Variants in PLEKHA6 observed in about 807,000 individuals in gnomAD.
PLEKHA6 encodes the protein pleckstrin homology domain-containing family A member 6.
Under a neutral mutation model 116.7 loss-of-function variants are expected in PLEKHA6, and 60 were observed. The observed-to-expected ratio is 0.51, with a 90% confidence interval of 0.42 to 0.64. PLEKHA6 has a LOEUF of 0.64. PLEKHA6 is among the 30% of genes least tolerant of loss of function. The pLI, the probability that PLEKHA6 is intolerant of heterozygous loss-of-function variation, is 0.00. For missense variants in PLEKHA6, 1,338 were observed against 1,422.7 expected (o/e 0.94, Z 0.96); for synonymous variants, 489 against 556.1 (o/e 0.88, Z 1.70).
intron 1 of PLEKHA6, among the ~76,000 whole-genome samples, chr1:204,356,365 G>C (rs1037631029): frequency 6.6e-6 from 1 of 152,122 alleles, no homozygotes; most frequent in African/African-American, 2.4e-5. Context: ...TTGAGCACAG[G>C]AGTTCAAGAC....
chr1:204,275,932 C>T (rs1320251788), intron 1 of PLEKHA6: 1 of 152,744 alleles, frequency 6.5e-6, no homozygotes, highest in South Asian at 2.1e-4. Context: ...CAGGGCCACT[C>T]AAGCACACCC....
chr1:204,352,305 G>A (rs1673305036), intron 1 of PLEKHA6, among the ~76,000 whole-genome samples: 1 of 151,466 alleles, frequency 6.6e-6, no homozygotes, highest in Admixed American at 6.6e-5. Flanking sequence ...AACCTGGGAG[G>A]CAGAGGTTGC....
intron 15 of PLEKHA6, among the ~76,000 whole-genome samples, chr1:204,244,439 G>A (rs1663348785): frequency 6.6e-6 from 1 of 151,942 alleles, no homozygotes; most frequent in Admixed American, 6.6e-5. Context: ...CCTGCCACGT[G>A]TGTATCTTTC....
At chr1:204,303,962 GCCT>G (rs1671054259) in intron 1 of PLEKHA6, among the ~76,000 whole-genome samples, 1 of 152,060 alleles carries the variant, frequency 6.6e-6, no homozygotes, top group Non-Finnish European at 1.5e-5. Context: ...CGATCTGCCC[GCCT>G]CAGCCTCCCA....
rs145953712 is a variant in PLEKHA6 at position 204,241,808 on chromosome 1, C to T, written c.2179G>A (p.Ala727Thr). 8.4e-5 allele frequency: 135 copies of T among 1,614,074 alleles called. No individual in the cohort carries two copies. In the African/African-American group the frequency reaches 1.6e-3, roughly 20 times the overall value. Reference protein sequence around the residue: ...PTKPGSNEPKANYEQSKKDPH... With the variant: ...PTKPGSNEPKTNYEQSKKDPH... ...TCTTTCTTGCTTTGTTCATAGTTTG[C>T]CTTGGGCTGGGGAGAAAGGGTGAGA... The change falls in exon 16 of 23, where the codon GCA becomes ACA. Residue 727 changes from alanine (A) to threonine (T), a missense_variant. By Grantham distance (58) the Ala-to-Thr change is moderately conservative. This residue lies in a region of PLEKHA6 where 1,136 missense variants were observed against 1,163.6 expected (regional missense o/e 0.98). Transcript: ENST00000272203.
intron 3 of PLEKHA6, among the ~76,000 whole-genome samples, chr1:204,366,881 G>C (rs1437394202): frequency 1.3e-5 from 2 of 152,262 alleles, no homozygotes; most frequent in African/African-American, 2.4e-5. Context: ...AGTACAGATG[G>C]ATGAGGATTT....
intron 1 of PLEKHA6, among the ~76,000 whole-genome samples, chr1:204,357,116 G>A (rs1406891506): frequency 6.6e-6 from 1 of 152,200 alleles, no homozygotes; most frequent in Non-Finnish European, 1.5e-5. Context: ...GACTTGTTCT[G>A]CACAGCTTCA....
chr1:204,286,108 A>G (rs146379624), intron 1 of PLEKHA6, among the ~76,000 whole-genome samples: 14 of 62,632 alleles, frequency 2.2e-4, no homozygotes. Context: ...TATGGAAATC[A>G]CAGGTAAACA....
rs1659588462 is a variant in PLEKHA6, at chr1:204,221,054, G to A, written c.*1734C>T. 2 of 152,384 alleles carry A rather than the reference G, an allele frequency of 1.3e-5. No individual in the cohort carries two copies. The highest frequency in any genetic ancestry group is 2.4e-5 in the African/African-American group (1 of 41,526). 9.4% of individuals were successfully genotyped at this position (152,384 alleles called of 1,614,324 possible). The stretch of plus-strand genomic sequence containing the variant: ...GCAGGGGAGAAAGGGCAGGTTTGGG[G>A]TGCTTGAACTGTGAAGATGGGAAAT... On this transcript the variant is annotated 3_prime_UTR_variant, in exon 23 of 23. Transcript: ENST00000272203.
In PLEKHA6 at chr1:204,289,007, G is replaced by A. The variant is rs773236277; in HGVS notation, c.-94-14198C>T. On this transcript the variant is annotated intron_variant, in intron 1 of 22. Transcript: ENST00000272203. ...CTTTATCCTTTAAAAATAGGCAACT[G>A]ATTTGGGGGAAATCTAAAAGTATCT... Among the ~76,000 whole-genome samples, 10 of 152,320 alleles carry A rather than the reference G, an allele frequency of 6.6e-5. 1 individual carries two copies. The South Asian group carries it at 1.7e-3, about 25-fold the overall frequency.
chr1:204,316,933 C>T (rs6692858), intron 1 of PLEKHA6, among the ~76,000 whole-genome samples: 111,196 of 152,028 alleles, frequency 0.73, 41,164 homozygotes, highest in Middle Eastern at 0.8. Context: ...AAGCGGCCTC[C>T]TCGTATCCAC....
intron 9 of PLEKHA6, among the ~76,000 whole-genome samples, chr1:204,251,955 C>A (rs1280074937): frequency 1.3e-5 from 2 of 152,280 alleles, no homozygotes; most frequent in Non-Finnish European, 2.9e-5. Flanking sequence ...TCTCACACCA[C>A]TTTTGACAAA....
chr1:204,255,645 A>G, intron 9 of PLEKHA6: 1 of 702,998 alleles, frequency 1.4e-6, no homozygotes, highest in Non-Finnish European at 2.6e-6. Context: ...CAAATACTCT[A>G]GGTTTCTTTG....
intron 1 of PLEKHA6, chr1:204,309,152 G>C (rs908822958): frequency 4.9e-6 from 3 of 612,598 alleles, no homozygotes; most frequent in Non-Finnish European, 4.1e-6. Context: ...AATATTTGAC[G>C]TGCAGGCTGA....
At chr1:204,249,365 C>A in intron 10 of PLEKHA6, 101 bp from the exon 11 acceptor site, 1 of 851,024 alleles carries the variant, frequency 1.2e-6, no homozygotes, top group South Asian at 1.5e-5. Flanking sequence ...CTGGATACCC[C>A]CCTCCTTTCT....
At position 204,228,376 on chromosome 1, in the gene PLEKHA6, A is replaced by G; in HGVS notation, c.2886-148T>C. On this transcript the variant is annotated intron_variant, in intron 20 of 22. Transcript: ENST00000272203. The surrounding 1 kb of genome is among the most constrained non-coding windows in gnomAD (Gnocchi z 4.0). ...CCCAGCAAGGCTGTCCCTAGGAGTG[A>G]GTGGGACCCTGGCAAAACACAGGTT... The G allele has an allele frequency of 1.3e-6, 1 of 764,988 alleles. No homozygotes were observed. The highest frequency in any genetic ancestry group is 2.1e-6 in the Non-Finnish European group (1 of 471,690). The allele number at this position is 764,988 out of a possible 1,614,324, so 47.4% of individuals were successfully genotyped here. A position where few individuals can be genotyped will look rare whatever the true frequency, so the allele number is the denominator to read the frequency against.
intron 9 of PLEKHA6, among the ~76,000 whole-genome samples, chr1:204,250,875 T>TC (rs1309835503): frequency 6.6e-6 from 1 of 152,030 alleles, no homozygotes; most frequent in Non-Finnish European, 1.5e-5. Flanking sequence ...GTATTTCCTC[T>TC]CCCCCAAGCA....
intron 1 of PLEKHA6, among the ~76,000 whole-genome samples, chr1:204,303,371 T>G (rs572038570): frequency 6.6e-6 from 1 of 152,260 alleles, no homozygotes; most frequent in Admixed American, 6.5e-5. Context: ...TTTCAGGACA[T>G]GAAAATGGGA....
chr1:204,236,486 C>T (rs917366091), intron 17 of PLEKHA6, among the ~76,000 whole-genome samples: 4 of 152,044 alleles, frequency 2.6e-5, no homozygotes, highest in Admixed American at 6.6e-5. Context: ...TTTGAAGAGC[C>T]CTGTAATTGC....
Sources: allele counts gnomAD v4.1 joint callset (sites outside exome capture counted in the v4.1 genomes callset), GRCh38; gene constraint gnomAD v4.1.1; regional missense constraint gnomAD v4.1.1; non-coding constraint Gnocchi (gnomAD v3.1); transcripts MANE v1.5; gene names NCBI Gene and HGNC (gene_info 2026-07-23, HGNC 2026-07-21).